The following ATG5 variants were observed in gnomAD, a reference collection of about 807,000 sequenced individuals.
ATG5 encodes the protein autophagy protein 5.
In ATG5, 14 loss-of-function variants were observed where a neutral mutation model predicts 36.5. That is an observed-to-expected ratio of 0.38 (90% CI 0.25 to 0.60). The LOEUF (loss-of-function observed/expected upper bound fraction) is 0.60, where lower values mean the gene tolerates loss of function less well. Among genes scored for constraint, ATG5 ranks in the 20% least tolerant of loss-of-function variants. ATG5 has a pLI of 0.60. For missense variants in ATG5, 195 were observed against 326.7 expected, an observed-to-expected ratio of 0.60 and a Z score of 3.11; for synonymous variants, 95 against 101.5, an observed-to-expected ratio of 0.94 and a Z score of 0.38.
At chr6:106,323,073 CA>C (rs1771155158) in intron 1 of ATG5, among the ~76,000 whole-genome samples, 1 of 151,944 alleles carries the variant, frequency 6.6e-6, no homozygotes, top group South Asian at 2.1e-4. Context: ...CGCTTGCCAC[CA>C]GGCTCGGGTT....
intron 5 of ATG5, among the ~76,000 whole-genome samples, chr6:106,257,890 T>C (rs1778859895): frequency 6.6e-6 from 1 of 152,200 alleles, no homozygotes; most frequent in South Asian, 2.1e-4. Flanking sequence ...TTTTATTTTG[T>C]AGGACCTGTG....
intron 5 of ATG5, among the ~76,000 whole-genome samples, chr6:106,267,224 G>A (rs185300628): frequency 6.6e-6 from 1 of 152,242 alleles, no homozygotes; most frequent in Non-Finnish European, 1.5e-5. Context: ...GTCAAATCAT[G>A]AGTGAACTCC....
At chr6:106,248,310 G>T in intron 5 of ATG5, 66 bp from the exon 6 acceptor site, 1 of 1,192,006 alleles carries the variant, frequency 8.4e-7, no homozygotes, top group South Asian at 1.3e-5. Context: ...CTCACATGAA[G>T]AGATGAAAGT....
chr6:106,272,912 A>C (rs983759813), intron 5 of ATG5, among the ~76,000 whole-genome samples: 4 of 152,174 alleles, frequency 2.6e-5, no homozygotes, highest in Admixed American at 2.0e-4. Flanking sequence ...ATTTCCAAAA[A>C]CTCACACAGA....
At chr6:106,191,949 C>T (rs77873984) in intron 7 of ATG5, among the ~76,000 whole-genome samples, 9,052 of 152,174 alleles carry the variant, frequency 0.059, 364 homozygotes, top group South Asian at 0.13. Flanking sequence ...AGAATTTGGC[C>T]TCATGGTAAT....
chr6:106,293,543 T>C (rs1780405541), intron 3 of ATG5, among the ~76,000 whole-genome samples: 1 of 152,238 alleles, frequency 6.6e-6, no homozygotes, highest in African/African-American at 2.4e-5. Context: ...TCACCTATTC[T>C]GTGGTTATTA....
At chr6:106,276,393 A>G (rs982944515) in intron 5 of ATG5, among the ~76,000 whole-genome samples, 1 of 150,092 alleles carries the variant, frequency 6.7e-6, no homozygotes, top group Admixed American at 6.7e-5. Context: ...GAACCCGGGA[A>G]GCGGAGCTTG....
chr6:106,187,675 G>A (rs1315148992), intron 7 of ATG5, among the ~76,000 whole-genome samples: 1 of 152,124 alleles, frequency 6.6e-6, no homozygotes, highest in East Asian at 1.9e-4. Flanking sequence ...AATACCCTAC[G>A]TTTTCCTTTC....
At chr6:106,271,504 T>C (rs1779451120) in intron 5 of ATG5, 1 of 152,212 alleles carries the variant, frequency 6.6e-6, no homozygotes, top group Non-Finnish European at 1.5e-5. Context: ...GGCACCTTCC[T>C]CTTGGACTCT....
At position 106,260,197 on chromosome 6, in the gene ATG5, T is replaced by C. The variant is rs148819640; in HGVS notation, c.479-11953A>G. 7.9e-5 allele frequency among the ~76,000 whole-genome samples: 12 copies of C among 152,324 alleles called. No individual in the cohort carries two copies. In the East Asian group the frequency reaches 2.1e-3, roughly 27 times the overall value. ...GGGTGCAGCAAACCAACATGGCACATGTATACTTATGTAACAAACCTGCAC... is the reference window on the plus strand; with the variant it reads ...GGGTGCAGCAAACCAACATGGCACACGTATACTTATGTAACAAACCTGCAC... On this transcript the variant is annotated intron_variant, in intron 5 of 7. Coordinates refer to ENST00000369076, the MANE Select transcript of ATG5 (RefSeq NM_004849.4).
chr6:106,244,437 C>T (rs1193726949), intron 6 of ATG5, among the ~76,000 whole-genome samples: 5 of 152,128 alleles, frequency 3.3e-5, no homozygotes, highest in Non-Finnish European at 7.4e-5. Flanking sequence ...TCAAGACAAA[C>T]AGGTTGTCCT....
chr6:106,280,382 C>G (rs937304756), intron 4 of ATG5, among the ~76,000 whole-genome samples: 3 of 151,344 alleles, frequency 2.0e-5, no homozygotes, highest in Non-Finnish European at 4.4e-5. Context: ...CAGCCCCAAA[C>G]AGAAAACAAA....
In ATG5 at chr6:106,292,996, A is replaced by G. The variant is rs540007190; in HGVS notation, c.315+32T>C. The G allele has an allele frequency of 6.4e-5, 99 of 1,555,662 alleles. No individual in the cohort carries two copies. The South Asian group carries it at 1.0e-3, about 16-fold the overall frequency. On this transcript the variant is annotated intron_variant, in intron 4 of 7. Coordinates refer to ENST00000369076, the MANE Select transcript of ATG5 (RefSeq NM_004849.4). ...GAAGTCTATTTATTATGTATCACAA[A>G]TGGGACGAAGGAGAAATGCAATTTA... is the stretch of plus-strand genomic sequence containing the variant.
chr6:106,268,945 T>C (rs1215242333), intron 5 of ATG5, among the ~76,000 whole-genome samples: 1 of 152,128 alleles, frequency 6.6e-6, no homozygotes, highest in Non-Finnish European at 1.5e-5. Flanking sequence ...GCTTAAAACA[T>C]AGATGACGGG....
rs183141983 is a variant in ATG5 at position 106,308,659 on chromosome 6, G to C, written c.109-168C>G. 2.3e-3 allele frequency among the ~76,000 whole-genome samples: 346 copies of C among 152,212 alleles called. 1 individual carries two copies. Among genetic ancestry groups the C allele is most frequent in the South Asian group, 4.4e-3 (21 of 4,816 alleles). On this transcript the variant is annotated intron_variant, in intron 2 of 7. Transcript: ENST00000369076. The stretch of plus-strand genomic sequence containing the variant: ...TAGAAGATCAAAGGTTAAAGGTTAA[G>C]ATGTTTTAATATTTCTTATGGGGCC...
chr6:106,323,988 C>G (rs1771200292), intron 1 of ATG5, among the ~76,000 whole-genome samples: 1 of 152,198 alleles, frequency 6.6e-6, no homozygotes, highest in Non-Finnish European at 1.5e-5. Flanking sequence ...AAGTGGCACC[C>G]TTCTTTATCA....
At chr6:106,320,574 T>G (rs1562274446) in intron 1 of ATG5, among the ~76,000 whole-genome samples, 1 of 151,932 alleles carries the variant, frequency 6.6e-6, no homozygotes, top group Non-Finnish European at 1.5e-5. Context: ...AAGCTTCAAT[T>G]TCCTTACTTG....
chr6:106,252,479 T>C (rs1178322595), intron 5 of ATG5, among the ~76,000 whole-genome samples: 3 of 149,890 alleles, frequency 2.0e-5, no homozygotes, highest in African/African-American at 4.9e-5. Flanking sequence ...AAAAATGTTA[T>C]TTTTTTTTTA....
intron 6 of ATG5, among the ~76,000 whole-genome samples, chr6:106,247,674 A>G (rs759128362): frequency 2.0e-5 from 3 of 152,254 alleles, no homozygotes; most frequent in Non-Finnish European, 4.4e-5. Flanking sequence ...CTTCAGTGCT[A>G]CATTTGGAGT....
Sources: gnomAD v4.1 joint callset for allele counts (sites outside exome capture counted in the v4.1 genomes callset) on GRCh38, gnomAD v4.1.1 for gene constraint, MANE v1.5 for transcripts, NCBI Gene and HGNC (gene_info 2026-07-23, HGNC 2026-07-21) for gene names.